Variants in TEAD4 observed in about 807,000 individuals in gnomAD.
TEAD4 encodes the protein transcriptional enhancer factor TEF-3.
In TEAD4, 36 loss-of-function variants were observed where a neutral mutation model predicts 52.4. The observed-to-expected ratio is 0.69, with a 90% CI of 0.53 to 0.91. The LOEUF (loss-of-function observed/expected upper bound fraction) is 0.91, where lower values mean the gene tolerates loss of function less well. Among genes scored for constraint, TEAD4 ranks in the 40% least tolerant of loss-of-function variants. The pLI is 0.00. For missense variants in TEAD4, 508 were observed against 583.9 expected, an observed-to-expected ratio of 0.87 and a Z score of 1.34; for synonymous variants, 220 against 231.0, an observed-to-expected ratio of 0.95 and a Z score of 0.43.
intron 5 of TEAD4, among the ~76,000 whole-genome samples, chr12:3,013,585 T>G (rs2098262104): frequency 6.6e-6 from 1 of 152,122 alleles, no homozygotes. Context: ...AATATAAAAA[T>G]TAGCCAGGTG....
chr12:2,976,321 CT>C (rs769519037), intron 2 of TEAD4, among the ~76,000 whole-genome samples: 216 of 142,162 alleles, frequency 1.5e-3, no homozygotes, highest in African/African-American at 3.5e-3. Flanking sequence ...CATCTCATTT[CT>C]TTTTTTTTTT....
intron 10 of TEAD4, among the ~76,000 whole-genome samples, chr12:3,026,220 T>C (rs1249361055): frequency 1.3e-5 from 2 of 152,248 alleles, no homozygotes; most frequent in East Asian, 3.8e-4. Flanking sequence ...CTTGGACTTA[T>C]CCTCTACGAT....
At chr12:2,992,016 CTTTTTT>C (rs372782883) in intron 2 of TEAD4, among the ~76,000 whole-genome samples, 4 of 107,654 alleles carry the variant, frequency 3.7e-5, no homozygotes, top group Non-Finnish European at 7.2e-5. Context: ...GCGGTTCCTG[CTTTTTT>C]TTTTTTTTTT....
At chr12:2,974,061 G>A (rs1054063600) in intron 2 of TEAD4, among the ~76,000 whole-genome samples, 29 of 152,152 alleles carry the variant, frequency 1.9e-4, no homozygotes, top group African/African-American at 6.8e-4. Context: ...AGACCGGAGT[G>A]TAGTGTCACG....
chr12:2,964,896 T>C (rs988332034), intron 2 of TEAD4, among the ~76,000 whole-genome samples: 1 of 152,134 alleles, frequency 6.6e-6, no homozygotes, highest in Non-Finnish European at 1.5e-5. Flanking sequence ...AGGCCACAGC[T>C]TACCCTGAGA....
intron 2 of TEAD4, among the ~76,000 whole-genome samples, chr12:2,968,885 G>A (rs1009064481): frequency 5.9e-5 from 9 of 152,018 alleles, no homozygotes; most frequent in South Asian, 4.2e-4. Flanking sequence ...TAAACTCCTC[G>A]CCTCAAGCGA....
chr12:2,970,260 G>A (rs530097602), intron 2 of TEAD4, among the ~76,000 whole-genome samples: 12 of 152,318 alleles, frequency 7.9e-5, no homozygotes, highest in Admixed American at 6.5e-5. Flanking sequence ...GACTAACAAC[G>A]TTTCTTGTGT....
intron 2 of TEAD4, among the ~76,000 whole-genome samples, chr12:2,981,235 A>C (rs1425953313): frequency 6.6e-6 from 1 of 152,218 alleles, no homozygotes; most frequent in Non-Finnish European, 1.5e-5. Flanking sequence ...TCGCCTGCCC[A>C]GTGCACAGGG....
At chr12:2,969,359 C>T (rs114619559) in intron 2 of TEAD4, among the ~76,000 whole-genome samples, 131 of 152,268 alleles carry the variant, frequency 8.6e-4, no homozygotes, top group African/African-American at 2.9e-3. Context: ...AACACTGTAC[C>T]GTTTTATATG....
At chr12:2,975,671 A>C (rs934658498) in intron 2 of TEAD4, among the ~76,000 whole-genome samples, 2 of 152,008 alleles carry the variant, frequency 1.3e-5, no homozygotes, top group Admixed American at 1.3e-4. Context: ...TACAGGCATG[A>C]GCCACCGTGC....
intron 10 of TEAD4, among the ~76,000 whole-genome samples, chr12:3,029,966 C>T (rs2098274516): frequency 6.6e-6 from 1 of 152,028 alleles, no homozygotes; most frequent in Non-Finnish European, 1.5e-5. Context: ...ATCTAATTTC[C>T]CTGGAAGGGA....
At chr12:3,014,261 A>G (rs2098262634) in intron 5 of TEAD4, among the ~76,000 whole-genome samples, 2 of 152,144 alleles carry the variant, frequency 1.3e-5, no homozygotes, top group South Asian at 4.1e-4. Context: ...CACGGTGAAC[A>G]GACTTCCCAC....
chr12:3,022,535 A>G (rs567963540), intron 10 of TEAD4, among the ~76,000 whole-genome samples: 258 of 152,310 alleles, frequency 1.7e-3, no homozygotes, highest in Middle Eastern at 3.4e-3. Flanking sequence ...CCACCCCACA[A>G]GAAACACCCA....
intron 11 of TEAD4, 43 bp from the exon 12 acceptor site, chr12:3,040,064 T>G (rs2153958961): frequency 6.2e-7 from 1 of 1,608,010 alleles, no homozygotes; most frequent in Non-Finnish European, 8.5e-7. Flanking sequence ...CTGGAGGTGG[T>G]CAGAATGGGA....
At chr12:3,033,314 G>A (rs748082723) in intron 10 of TEAD4, among the ~76,000 whole-genome samples, 7 of 152,206 alleles carry the variant, frequency 4.6e-5, no homozygotes, top group Non-Finnish European at 1.0e-4. Flanking sequence ...GGCTGCTAGG[G>A]CTGTGCACAG....
chr12:3,006,645 T>C (rs971083548), intron 3 of TEAD4, among the ~76,000 whole-genome samples: 4 of 149,256 alleles, frequency 2.7e-5, no homozygotes, highest in African/African-American at 9.9e-5. Flanking sequence ...GATCGCGCCA[T>C]TTCACTCCAG....
chr12:3,012,068 C>A, intron 4 of TEAD4, 102 bp from the exon 5 acceptor site: 1 of 1,175,188 alleles, frequency 8.5e-7, no homozygotes, highest in South Asian at 1.4e-5. Context: ...ATTTGGTCCA[C>A]AGATGTGGGT....
At chr12:2,966,658 G>A (rs751246235) in intron 2 of TEAD4, among the ~76,000 whole-genome samples, 7 of 151,870 alleles carry the variant, frequency 4.6e-5, no homozygotes, top group Non-Finnish European at 7.4e-5. Context: ...TGATCTGCCC[G>A]CCTTGACCTC....
In TEAD4 at chr12:2,994,761, G is replaced by A. The variant is rs780699478; in HGVS notation, c.-6G>A. 1.9e-5 allele frequency: 31 copies of A among 1,601,742 alleles called. No homozygotes were observed. Among genetic ancestry groups the A allele is most frequent in the African/African-American group, 4.0e-5 (3 of 74,618 alleles). ...AGGTCCAACGAGCGCTCCTCCAAGC[G>A]GAGCCTTGGAGGGCACGGCCGGCAC... On this transcript the variant is annotated 5_prime_UTR_variant, in exon 3 of 13. Coordinates refer to ENST00000359864, the MANE Select transcript of TEAD4 (RefSeq NM_003213.4). The surrounding 1 kb of genome is among the most constrained non-coding windows in gnomAD (Gnocchi z 4.7).
Sources: allele counts gnomAD v4.1 joint callset (sites outside exome capture counted in the v4.1 genomes callset), GRCh38; gene constraint gnomAD v4.1.1; non-coding constraint Gnocchi (gnomAD v3.1); transcripts MANE v1.5; gene names NCBI Gene and HGNC (gene_info 2026-07-23, HGNC 2026-07-21).